Variants in RYR3 observed in about 807,000 individuals in gnomAD.
RYR3 encodes brain ryanodine receptor-calcium release channel.
RYR3 carries 207 observed loss-of-function variants against 584.3 expected under a neutral mutation model. The ratio of observed to expected loss-of-function variants is 0.35; its 90% confidence interval spans 0.32 to 0.40. The LOEUF is 0.40. Ranked by LOEUF, RYR3 falls within the 10% of genes least tolerant of loss-of-function variation. RYR3 has a pLI of 1.00. For synonymous variants in RYR3, 2,416 were observed against 2,248.5 expected (o/e 1.07, Z -2.11); for missense variants, 5,616 against 6,089.2 (o/e 0.92, Z 2.59).
intron 12 of RYR3, among the ~76,000 whole-genome samples, chr15:33,571,757 C>A (rs1484617184): frequency 1.3e-5 from 2 of 152,086 alleles, no homozygotes; most frequent in African/African-American, 4.8e-5. Flanking sequence ...GACAATCTCT[C>A]CCTTTCATTG....
At chr15:33,595,543 A>G (rs145386829) in intron 16 of RYR3, among the ~76,000 whole-genome samples, 1 of 152,188 alleles carries the variant, frequency 6.6e-6, no homozygotes, top group East Asian at 1.9e-4. Flanking sequence ...TTACAATCTT[A>G]TAATCTTACA....
intron 68 of RYR3, among the ~76,000 whole-genome samples, chr15:33,801,172 G>GGTCATA (rs930619735): frequency 1.3e-5 from 2 of 152,152 alleles, no homozygotes; most frequent in Non-Finnish European, 2.9e-5. Flanking sequence ...TGGGCGTCCA[G>GGTCATA]GTCATAGGTG....
chr15:33,352,788 T>A (rs899887181), intron 1 of RYR3, among the ~76,000 whole-genome samples: 1 of 152,198 alleles, frequency 6.6e-6, no homozygotes, highest in Admixed American at 6.5e-5. Context: ...CTATGCCCAC[T>A]TCTGTTTACT....
intron 3 of RYR3, among the ~76,000 whole-genome samples, chr15:33,527,869 T>C (rs1010572905): frequency 6.6e-6 from 1 of 152,162 alleles, no homozygotes; most frequent in African/African-American, 2.4e-5. Context: ...AACAAAACCC[T>C]GGTGAGACCT....
rs770900347 is a variant in RYR3 at position 33,662,399 on chromosome 15, G to C, written c.4869G>C (p.Leu1623=). The C allele has an allele frequency of 1.2e-6, 2 of 1,613,666 alleles. No individual in the cohort carries two copies. Among genetic ancestry groups the C allele is most frequent in the African/African-American group, 2.7e-5 (2 of 74,936 alleles). ...TGGCCAGCGCCAAGGAGAGGAAGCT[G>C]ATGATGAAGAACGAGTACATCATCC... is the stretch of plus-strand genomic sequence containing the variant. ...IHLASAKERK[L]MMKNEYIIPI... is the part of the protein sequence containing the mutation. Residue 1623 remains leucine (L), a synonymous_variant, in exon 35 of 104, where the codon CTG becomes CTC. Coordinates refer to ENST00000634891, the MANE Select transcript of RYR3 (RefSeq NM_001036.6).
chr15:33,480,074 G>T (rs1449288912), intron 2 of RYR3, among the ~76,000 whole-genome samples: 1 of 152,212 alleles, frequency 6.6e-6, no homozygotes, highest in African/African-American at 2.4e-5. Flanking sequence ...AGACTGGGGA[G>T]GAGGGGTGCA....
rs867820031 is a variant in RYR3, at chr15:33,662,771, C to T, written c.5241C>T (p.Leu1747=). 3 of 1,613,932 alleles carry T rather than the reference C, an allele frequency of 1.9e-6. No homozygotes were observed. In the African/African-American group the frequency reaches 4.0e-5, roughly 22 times the overall value. Residue 1747 remains leucine, a synonymous_variant, in exon 35 of 104, where the codon CTC becomes CTT. Coordinates refer to ENST00000634891, the MANE Select transcript of RYR3 (RefSeq NM_001036.6). ...ATGATGATGATGTTCGGCAGATCCTCCTCCTGATTGATCCCTCTGTGTTTG... is the reference window on the plus strand; with the variant it reads ...ATGATGATGATGTTCGGCAGATCCTTCTCCTGATTGATCCCTCTGTGTTTG... ...VFDDDDVRQI[L]LLIDPSVFGE...
At chr15:33,510,774 G>T (rs753764591) in intron 3 of RYR3, among the ~76,000 whole-genome samples, 38 of 151,916 alleles carry the variant, frequency 2.5e-4, no homozygotes, top group Non-Finnish European at 4.9e-4. Flanking sequence ...TTTTTCCACA[G>T]ACCAAATTGT....
intron 3 of RYR3, among the ~76,000 whole-genome samples, chr15:33,506,141 T>C (rs187825978): frequency 6.6e-6 from 1 of 152,304 alleles, no homozygotes; most frequent in Admixed American, 6.5e-5. Flanking sequence ...CTTAACTTGG[T>C]TTGTCTTAAG....
At chr15:33,740,830 C>G (rs56003089) in intron 51 of RYR3, among the ~76,000 whole-genome samples, 1 of 152,126 alleles carries the variant, frequency 6.6e-6, no homozygotes, top group East Asian at 1.9e-4. Context: ...CTGCTTTGAT[C>G]ATGTGTAACA....
At chr15:33,583,921 G>A (rs1321073539) in intron 14 of RYR3, among the ~76,000 whole-genome samples, 2 of 151,970 alleles carry the variant, frequency 1.3e-5, no homozygotes, top group African/African-American at 4.8e-5. Context: ...GTGTGGTGGT[G>A]CATGCCTGTA....
intron 80 of RYR3, 29 bp downstream of exon 80, chr15:33,821,631 G>A (rs756365405): frequency 1.9e-6 from 3 of 1,606,214 alleles, no homozygotes; most frequent in Non-Finnish European, 2.6e-6. Flanking sequence ...GGCTGGGCAG[G>A]CTCCCGGGGT....
At chr15:33,359,204 A>C (rs1211164002) in intron 1 of RYR3, among the ~76,000 whole-genome samples, 1 of 152,230 alleles carries the variant, frequency 6.6e-6, no homozygotes, top group Non-Finnish European at 1.5e-5. Context: ...TACTCTTAAA[A>C]CACAGATAAT....
intron 1 of RYR3, among the ~76,000 whole-genome samples, chr15:33,315,951 A>T (rs1256000059): frequency 6.6e-6 from 1 of 152,214 alleles, no homozygotes; most frequent in Non-Finnish European, 1.5e-5. Context: ...TTGCAGTTGA[A>T]GAATGTGTGT....
intron 18 of RYR3, among the ~76,000 whole-genome samples, 198 bp from the exon 19 acceptor site, chr15:33,612,985 G>C (rs1241010981): frequency 6.6e-6 from 1 of 152,206 alleles, no homozygotes; most frequent in Non-Finnish European, 1.5e-5. Flanking sequence ...CCACTCGCCA[G>C]CTTAGGAATT....
chr15:33,606,479 G>C (rs1260393142), intron 18 of RYR3, among the ~76,000 whole-genome samples: 1 of 152,182 alleles, frequency 6.6e-6, no homozygotes, highest in Admixed American at 6.5e-5. Context: ...TGACATCCTG[G>C]AAGTATGAAT....
intron 1 of RYR3, among the ~76,000 whole-genome samples, chr15:33,423,657 G>T (rs11072459): frequency 0.61 from 89,431 of 146,812 alleles, 26,782 homozygotes; most frequent in African/African-American, 0.73. Context: ...TATTTTCCAG[G>T]TTTTTTTTTT....
chr15:33,644,873 G>A (rs1001135058), intron 28 of RYR3, among the ~76,000 whole-genome samples: 5 of 151,870 alleles, frequency 3.3e-5, no homozygotes, highest in African/African-American at 1.2e-4. Context: ...CGGGCTGGGT[G>A]TGGTGGCTCA....
chr15:33,327,547 T>G (rs891650497), intron 1 of RYR3, among the ~76,000 whole-genome samples: 53 of 152,350 alleles, frequency 3.5e-4, no homozygotes, highest in African/African-American at 1.3e-3. Flanking sequence ...AAAGGTTTAG[T>G]AAGGACTATA....
Sources: allele counts gnomAD v4.1 joint callset (sites outside exome capture counted in the v4.1 genomes callset), GRCh38; gene constraint gnomAD v4.1.1; transcripts MANE v1.5; gene names NCBI Gene and HGNC (gene_info 2026-07-23, HGNC 2026-07-21).